The following LINGO2 variants were observed in gnomAD, a reference collection of about 807,000 sequenced individuals.
The protein encoded by LINGO2 is leucine rich repeat and Ig domain containing 2.
LINGO2 carries 14 observed loss-of-function variants against 30.6 expected under a neutral mutation model. That is an observed-to-expected ratio of 0.46 (90% CI 0.30 to 0.72). The LOEUF is 0.72. Among genes scored for constraint, LINGO2 ranks in the 30% least tolerant of loss-of-function variants. The pLI, the probability that LINGO2 is intolerant of heterozygous loss-of-function variation, is 0.07. For synonymous variants in LINGO2, 317 were observed against 288.5 expected (o/e 1.10, Z -1.00); for missense variants, 729 against 751.7 (o/e 0.97, Z 0.35).
At chr9:28,399,125 C>T (rs142784278) in intron 2 of LINGO2, among the ~76,000 whole-genome samples, 32 of 152,182 alleles carry the variant, frequency 2.1e-4, no homozygotes, top group African/African-American at 7.2e-4. Flanking sequence ...GAAAATCTGC[C>T]AAAGAATTTT....
chr9:28,657,308 T>A (rs778088377), intron 1 of LINGO2, among the ~76,000 whole-genome samples: 1 of 152,120 alleles, frequency 6.6e-6, no homozygotes, highest in South Asian at 2.1e-4. Context: ...TTCTTTTTAA[T>A]TTGAAAAGTA....
intron 1 of LINGO2, among the ~76,000 whole-genome samples, chr9:28,616,258 A>C (rs1321849096): frequency 6.6e-6 from 1 of 152,178 alleles, no homozygotes; most frequent in African/African-American, 2.4e-5. Flanking sequence ...ACCAAAATAT[A>C]CTCTTTCTAG....
the LINGO2 span, among the ~76,000 whole-genome samples, chr9:28,862,432 T>C: frequency 6.6e-6 from 1 of 152,168 alleles, no homozygotes; most frequent in African/African-American, 2.4e-5. Context: ...AGTATACATA[T>C]TGATTCATTC....
chr9:28,942,382 C>G, the LINGO2 span, among the ~76,000 whole-genome samples: 1 of 151,974 alleles, frequency 6.6e-6, no homozygotes, highest in African/African-American at 2.4e-5. Context: ...GATGGGGGTG[C>G]CAGGTGGGTG....
At chr9:28,867,557 T>C in the LINGO2 span, among the ~76,000 whole-genome samples, 1 of 151,618 alleles carries the variant, frequency 6.6e-6, no homozygotes, top group East Asian at 1.9e-4. Context: ...TTACAGAGAA[T>C]CACAAAGTTA....
the LINGO2 span, among the ~76,000 whole-genome samples, chr9:28,848,257 T>G: frequency 8.6e-6 from 1 of 116,726 alleles, no homozygotes; most frequent in Admixed American, 9.4e-5. Flanking sequence ...TATACGCATA[T>G]ATAGTGTATA....
chr9:28,469,084 T>C (rs911154221), intron 2 of LINGO2, among the ~76,000 whole-genome samples: 5 of 151,902 alleles, frequency 3.3e-5, no homozygotes, highest in African/African-American at 1.2e-4. Context: ...TATATGAACA[T>C]AATTAAAATA....
the LINGO2 span, among the ~76,000 whole-genome samples, chr9:28,813,118 A>G: frequency 6.6e-6 from 1 of 151,654 alleles, no homozygotes. Context: ...TAGATTGTCT[A>G]AAGAGCACTC....
the LINGO2 span, among the ~76,000 whole-genome samples, chr9:28,875,673 C>T: frequency 6.6e-6 from 1 of 151,972 alleles, no homozygotes; most frequent in African/African-American, 2.4e-5. Context: ...GTTTTGAGGC[C>T]TGTTACTTTT....
intron 1 of LINGO2, among the ~76,000 whole-genome samples, chr9:28,605,881 T>C (rs532495433): frequency 3.3e-5 from 5 of 152,164 alleles, no homozygotes; most frequent in Admixed American, 6.6e-5. Flanking sequence ...AGTCCTATGG[T>C]CGTCAAATCC....
the LINGO2 span, among the ~76,000 whole-genome samples, chr9:28,871,728 T>C: frequency 2.6e-5 from 4 of 151,830 alleles, no homozygotes; most frequent in East Asian, 7.7e-4. Context: ...AGGAGTGAAA[T>C]AAGCATGAAA....
At chr9:28,281,501 G>A (rs970318447) in intron 4 of LINGO2, among the ~76,000 whole-genome samples, 3 of 151,790 alleles carry the variant, frequency 2.0e-5, no homozygotes, top group African/African-American at 7.3e-5. Context: ...ACACATATAA[G>A]GGGATATAAC....
intron 4 of LINGO2, among the ~76,000 whole-genome samples, chr9:28,215,304 G>C (rs1820726055): frequency 6.6e-6 from 1 of 151,892 alleles, no homozygotes; most frequent in Non-Finnish European, 1.5e-5. Flanking sequence ...GGACATAGTA[G>C]AAGGGAAAAG....
rs1563878982 is a variant in LINGO2 at position 28,632,854 on chromosome 9, T to TATATATATATATATATATATATA, written c.-365+37345_-365+37346insTATATATATATATATATATATAT. Among the ~76,000 whole-genome samples, 74 of 83,022 alleles carry TATATATATATATATATATATATA rather than the reference T, an allele frequency of 8.9e-4. 3 individuals carry two copies. The highest frequency in any genetic ancestry group is 5.3e-3 in the African/African-American group (69 of 13,088). The allele number at this position is 83,022 out of a possible 152,430, so 54.5% of individuals were successfully genotyped here. A position where few individuals can be genotyped will look rare whatever the true frequency, so the allele number is the denominator to read the frequency against. ...TTATATATATAAATCTATATATATT[T>TATATATATATATATATATATATA]TTTATATATATATATATATATATAT... On this transcript the variant is annotated intron_variant, in intron 1 of 5. Coordinates refer to ENST00000379992, the Ensembl canonical transcript of LINGO2.
chr9:28,481,317 AC>A (rs1449904864), intron 1 of LINGO2, among the ~76,000 whole-genome samples: 1 of 152,102 alleles, frequency 6.6e-6, no homozygotes, highest in Non-Finnish European at 1.5e-5. Flanking sequence ...TGTTATGGCT[AC>A]TCTAAGCCTT....
At chr9:28,187,663 G>C (rs1305849548) in intron 4 of LINGO2, among the ~76,000 whole-genome samples, 4 of 152,140 alleles carry the variant, frequency 2.6e-5, no homozygotes, top group Non-Finnish European at 5.9e-5. Flanking sequence ...CTTATTTCAA[G>C]CTGTGAGTTC....
chr9:28,530,949 T>A (rs1821211727), intron 1 of LINGO2, among the ~76,000 whole-genome samples: 1 of 151,300 alleles, frequency 6.6e-6, no homozygotes, highest in South Asian at 2.1e-4. Context: ...GCACCGTCAC[T>A]AGGACTGCTA....
the LINGO2 span, among the ~76,000 whole-genome samples, chr9:28,766,820 G>C: frequency 4.2e-5 from 1 of 23,788 alleles, no homozygotes; most frequent in Non-Finnish European, 9.4e-5. Context: ...GAGAGAGAGA[G>C]AGAGAGAGAA....
chr9:28,681,578 T>C, the LINGO2 span, among the ~76,000 whole-genome samples: 1 of 151,894 alleles, frequency 6.6e-6, no homozygotes, highest in Admixed American at 6.6e-5. Flanking sequence ...ATGGGTGAAA[T>C]GTCTCCAAGA....
Sources: gnomAD v4.1 joint callset for allele counts (sites outside exome capture counted in the v4.1 genomes callset) on GRCh38, gnomAD v4.1.1 for gene constraint, MANE v1.5 for transcripts, NCBI Gene and HGNC (gene_info 2026-07-23, HGNC 2026-07-21) for gene names.